The following TNFRSF19 variants were observed in gnomAD, a reference collection of about 807,000 sequenced individuals.
TNFRSF19 encodes the protein tumor necrosis factor receptor superfamily member 19.
Under a neutral mutation model 46.4 loss-of-function variants are expected in TNFRSF19, and 27 were observed. That is an observed-to-expected ratio of 0.58 (90% CI 0.43 to 0.80). The LOEUF (loss-of-function observed/expected upper bound fraction) is 0.80. TNFRSF19 is among the 30% of genes least tolerant of loss of function. The probability of loss-of-function intolerance (pLI) is 0.00; values close to 1 mark genes in which losing one functional copy is unlikely to be tolerated. For missense variants in TNFRSF19, 511 were observed against 530.8 expected (o/e 0.96, Z 0.37); for synonymous variants, 204 against 205.0 (o/e 1.00, Z 0.04).
chr13:23,636,383 G>A (rs1343546302), intron 5 of TNFRSF19, among the ~76,000 whole-genome samples: 2 of 152,174 alleles, frequency 1.3e-5, no homozygotes, highest in Admixed American at 6.5e-5. Context: ...TGTTTTGGGT[G>A]CAGAATGCTA....
chr13:23,626,323 G>A (rs571123423), intron 4 of TNFRSF19, among the ~76,000 whole-genome samples: 12 of 151,752 alleles, frequency 7.9e-5, no homozygotes, highest in South Asian at 2.1e-4. Context: ...ACATTTTTCC[G>A]TTGCTTTTAT....
Position 23,659,193 on chromosome 13 carries a change from T to C in TNFRSF19, c.589T>C (p.Phe197Leu), listed in dbSNP as rs2138388981. ...CTGTGTCATCTATTGTAAGAGACAG[T>C]TTATGGAGAAGAAACCCAGCTGTAA... ...ILCVIYCKRQ[F>L]MEKKPSWSLR... The change falls in exon 6 of 10, where the codon TTT (phenylalanine) becomes CTT (leucine). Residue 197 changes from phenylalanine to leucine, a missense_variant. Physicochemically the swap from Phe to Leu is conservative, Grantham distance 22 (BLOSUM62 0). This residue lies in a region of TNFRSF19 where 376 missense variants were observed against 372.7 expected (regional missense o/e 1.01). Transcript: ENST00000248484. The surrounding 1 kb of genome is among the most constrained non-coding windows in gnomAD (Gnocchi z 4.9). 2 of 1,610,606 alleles carry C rather than the reference T, an allele frequency of 1.2e-6. No homozygotes were observed. Among genetic ancestry groups the C allele is most frequent in the African/African-American group, 1.3e-5 (1 of 74,976 alleles).
At position 23,626,722 on chromosome 13, in the gene TNFRSF19, G is replaced by A. The variant is rs145592847; in HGVS notation, c.375G>A (p.Thr125=). The A allele has an allele frequency of 1.5e-5, 25 of 1,614,140 alleles. No individual in the cohort carries two copies. The highest frequency in any genetic ancestry group is 1.3e-4 in the East Asian group (6 of 44,884). ...TCTCTTCTAGATTTTATAGGAAGAC[G>A]AAACTTGTCGGCTTTCAAGACATGG... ...GDCLPGFYRK[T]KLVGFQDMEC... is the part of the protein sequence containing the mutation. Residue 125 remains threonine (T), a synonymous_variant, in exon 5 of 10, where the codon ACG becomes ACA. Coordinates refer to ENST00000248484, the MANE Select transcript of TNFRSF19 (RefSeq NM_148957.4).
At chr13:23,604,259 A>ACCCC (rs34398587) in intron 3 of TNFRSF19, among the ~76,000 whole-genome samples, 56 of 149,772 alleles carry the variant, frequency 3.7e-4, no homozygotes, top group African/African-American at 6.2e-4. Flanking sequence ...TTATATTAGC[A>ACCCC]CCCCCCCCAA....
chr13:23,580,453 C>T (rs1264542228), intron 1 of TNFRSF19, among the ~76,000 whole-genome samples: 1 of 152,220 alleles, frequency 6.6e-6, no homozygotes, highest in Non-Finnish European at 1.5e-5. Context: ...GTTAAACATA[C>T]CTCATGCAAA....
At chr13:23,656,711 T>C (rs1223195711) in intron 5 of TNFRSF19, among the ~76,000 whole-genome samples, 2 of 152,224 alleles carry the variant, frequency 1.3e-5, no homozygotes, top group Non-Finnish European at 2.9e-5. Context: ...CCCTCTGAAG[T>C]GAACGCCTTC....
At chr13:23,652,718 T>C (rs1262285874) in intron 5 of TNFRSF19, among the ~76,000 whole-genome samples, 1 of 152,240 alleles carries the variant, frequency 6.6e-6, no homozygotes, top group Non-Finnish European at 1.5e-5. Context: ...TGGAAGGTTA[T>C]TAGACAACCA....
chr13:23,658,195 T>C (rs1380132593), intron 5 of TNFRSF19, among the ~76,000 whole-genome samples: 1 of 152,178 alleles, frequency 6.6e-6, no homozygotes, highest in Non-Finnish European at 1.5e-5. Context: ...TTTAAAATGG[T>C]AATTACTATC....
At chr13:23,612,144 C>T (rs1461295608) in intron 3 of TNFRSF19, among the ~76,000 whole-genome samples, 1 of 152,156 alleles carries the variant, frequency 6.6e-6, no homozygotes, top group Non-Finnish European at 1.5e-5. Flanking sequence ...GAAATGATCT[C>T]GGCCAGGGTG....
chr13:23,659,105 C>T lies in TNFRSF19; in HGVS notation c.501C>T (p.Asp167=), dbSNP rs61741509. ...CGTCCACGGCCTCCAGCCCACGGGA[C>T]ACGGCGCTGGCTGCCGTTATCTGCA... ...KIASTASSPR[D]TALAAVICSA... The change falls in exon 6 of 10, where the codon GAC becomes GAT. Residue 167 remains aspartate, a synonymous_variant. Transcript: ENST00000248484. This position sits in a 1 kb window ranked among gnomAD's most constrained non-coding sequence, Gnocchi z 4.9. The T allele has an allele frequency of 1.5e-3, 2,369 of 1,614,002 alleles. 34 individuals are homozygous for T. In the African/African-American group the frequency reaches 0.028, roughly 19 times the overall value.
intron 5 of TNFRSF19, among the ~76,000 whole-genome samples, chr13:23,642,031 C>T (rs111309913): frequency 0.018 from 2,765 of 152,284 alleles, 46 homozygotes; most frequent in Non-Finnish European, 0.026. Flanking sequence ...GTCAAAATTG[C>T]AATGGTTTCA....
chr13:23,634,534 C>G lies in TNFRSF19; in HGVS notation c.445+7742C>G, dbSNP rs1007290833. 2.0e-5 allele frequency among the ~76,000 whole-genome samples: 3 copies of G among 152,210 alleles called. 1 individual carries two copies. The highest frequency in any genetic ancestry group is 7.2e-5 in the African/African-American group (3 of 41,448). On this transcript the variant is annotated intron_variant, in intron 5 of 9. Coordinates refer to ENST00000248484, the MANE Select transcript of TNFRSF19 (RefSeq NM_148957.4). ...AATCCAGCAGGACTGTTTCATTAAG[C>G]TGTGGACTTAGTGAAATAAGGTGGA...
Position 23,668,008 on chromosome 13 carries a change from C to T in TNFRSF19, c.765C>T (p.Cys255=), listed in dbSNP as rs1481860710. 6.2e-7 allele frequency: 1 copy of T among 1,609,816 alleles called. No homozygotes were observed. Among genetic ancestry groups the T allele is most frequent in the African/African-American group, 1.3e-5 (1 of 74,884 alleles). Residue 255 remains cysteine (C), a synonymous_variant, in exon 8 of 10, where the codon TGC becomes TGT. Transcript: ENST00000248484. The stretch of plus-strand genomic sequence containing the variant: ...CGGTGCGCTTGCTCCCATCCATGTG[C>T]TGTGAGGAGGCCTGCAGCCCCAACC... ...CGPVRLLPSM[C]CEEACSPNPA...
chr13:23,630,556 C>A (rs1030761746), intron 5 of TNFRSF19, among the ~76,000 whole-genome samples: 3 of 152,102 alleles, frequency 2.0e-5, no homozygotes, highest in African/African-American at 7.2e-5. Context: ...ACTGGCTGGG[C>A]ATGGAGCTCA....
At chr13:23,614,543 T>G (rs1881126583) in intron 3 of TNFRSF19, among the ~76,000 whole-genome samples, 1 of 152,112 alleles carries the variant, frequency 6.6e-6, no homozygotes, top group Non-Finnish European at 1.5e-5. Context: ...TGAGGTTTCT[T>G]GCAAGCCTTT....
intron 3 of TNFRSF19, 124 bp downstream of exon 3, chr13:23,593,579 GT>G: frequency 1.4e-6 from 1 of 698,796 alleles, no homozygotes; most frequent in South Asian, 1.8e-5. Context: ...GGATCATTAT[GT>G]CACTTTAGCC....
At chr13:23,602,346 C>A (rs953341879) in intron 3 of TNFRSF19, among the ~76,000 whole-genome samples, 6 of 152,070 alleles carry the variant, frequency 3.9e-5, no homozygotes, top group African/African-American at 1.4e-4. Context: ...ATGCCCCTAG[C>A]AACAGAGAAT....
chr13:23,654,971 T>C (rs1435724453), intron 5 of TNFRSF19, among the ~76,000 whole-genome samples: 1 of 152,240 alleles, frequency 6.6e-6, no homozygotes, highest in Non-Finnish European at 1.5e-5. Context: ...GAGAAGTTGC[T>C]CTTGCCTTTG....
At chr13:23,656,936 G>T (rs993287422) in intron 5 of TNFRSF19, among the ~76,000 whole-genome samples, 1 of 152,142 alleles carries the variant, frequency 6.6e-6, no homozygotes, top group African/African-American at 2.4e-5. Context: ...GGCTGTTTCA[G>T]ATTAGATTTA....
Sources: allele counts gnomAD v4.1 joint callset (sites outside exome capture counted in the v4.1 genomes callset), GRCh38; gene constraint gnomAD v4.1.1; regional missense constraint gnomAD v4.1.1; non-coding constraint Gnocchi (gnomAD v3.1); transcripts MANE v1.5; gene names NCBI Gene and HGNC (gene_info 2026-07-23, HGNC 2026-07-21).